FIG4: variants seen among roughly 807,000 people sequenced by gnomAD.
FIG4 encodes FIG4 phosphoinositide 5-phosphatase.
Under a neutral mutation model 118.6 loss-of-function variants are expected in FIG4, and 112 were observed. That is an observed-to-expected ratio of 0.94 (90% CI 0.81 to 1.11). The LOEUF (loss-of-function observed/expected upper bound fraction) is 1.11, where lower values mean the gene tolerates loss of function less well. Among genes scored for constraint, FIG4 ranks in the 50% least tolerant of loss-of-function variants. The pLI is 0.00. For missense variants in FIG4, 969 were observed against 1,111.7 expected, an observed-to-expected ratio of 0.87 and a Z score of 1.83; for synonymous variants, 369 against 381.2, an observed-to-expected ratio of 0.97 and a Z score of 0.37.
chr6:109,747,327 T>TAATGCCC (rs1453963513), intron 10 of FIG4, among the ~76,000 whole-genome samples: 9 of 152,110 alleles, frequency 5.9e-5, no homozygotes, highest in Non-Finnish European at 1.3e-4. Flanking sequence ...CTCCTGCTCT[T>TAATGCCC]AATGCCCATT....
chr6:109,706,803 A>G (rs192665752), intron 1 of FIG4, among the ~76,000 whole-genome samples: 107 of 152,020 alleles, frequency 7.0e-4, no homozygotes, highest in Non-Finnish European at 1.0e-4. Flanking sequence ...TGCAATTGCT[A>G]TTTCCTCTCC....
intron 10 of FIG4, among the ~76,000 whole-genome samples, chr6:109,748,754 G>T (rs1425478392): frequency 2.0e-5 from 3 of 152,136 alleles, no homozygotes; most frequent in African/African-American, 7.2e-5. Flanking sequence ...GTGTTACATG[G>T]CGGCAGACAA....
Position 109,776,930 on chromosome 6 carries a change from A to C in FIG4, c.1759A>C (p.Arg587=), listed in dbSNP as rs1484275942. Residue 587 remains arginine, a synonymous_variant, in exon 16 of 23, where the codon AGA becomes CGA. Coordinates refer to ENST00000230124, the MANE Select transcript of FIG4 (RefSeq NM_014845.6). ...YYSNAFSDAD[R]QDSINLFLGV... is the part of the protein sequence containing the mutation. ...TATATTTTGCTTTTTAGATGCCGAT[A>C]GACAAGATTCCATTAATCTCTTCCT... 1.2e-6 allele frequency: 2 copies of C among 1,613,124 alleles called. No homozygotes were observed. The highest frequency in any genetic ancestry group is 3.3e-5 in the Admixed American group (2 of 60,020).
At chr6:109,730,716 G>A (rs1434938834) in intron 4 of FIG4, among the ~76,000 whole-genome samples, 2 of 151,870 alleles carry the variant, frequency 1.3e-5, no homozygotes, top group African/African-American at 4.8e-5. Flanking sequence ...TTTTCCAGTT[G>A]GACAAAAATG....
At chr6:109,807,206 A>AC (rs1359113649) in intron 22 of FIG4, among the ~76,000 whole-genome samples, 1 of 152,176 alleles carries the variant, frequency 6.6e-6, no homozygotes, top group Admixed American at 6.5e-5. Context: ...CAATGGTTGA[A>AC]CTAATTTACA....
chr6:109,748,149 C>T (rs972263831), intron 10 of FIG4, among the ~76,000 whole-genome samples: 1 of 152,052 alleles, frequency 6.6e-6, no homozygotes, highest in African/African-American at 2.4e-5. Context: ...TAGAAACCTG[C>T]AGGAAGTACC....
chr6:109,810,619 C>T (rs1025071506), intron 22 of FIG4, among the ~76,000 whole-genome samples: 2 of 152,212 alleles, frequency 1.3e-5, no homozygotes, highest in Admixed American at 1.3e-4. Flanking sequence ...GTGCTGCATA[C>T]GCATTCAAAG....
At chr6:109,810,106 T>A (rs1245281358) in intron 22 of FIG4, among the ~76,000 whole-genome samples, 1 of 152,126 alleles carries the variant, frequency 6.6e-6, no homozygotes, top group Non-Finnish European at 1.5e-5. Context: ...ATTTCTCATG[T>A]CAAATGGCCA....
intron 1 of FIG4, chr6:109,701,706 A>G (rs764395777): frequency 1.7e-5 from 8 of 471,508 alleles, no homozygotes; most frequent in African/African-American, 1.2e-4. Context: ...AAAGTAGAAT[A>G]AAACAAGAAC....
At chr6:109,707,989 ATTC>A (rs1775140669) in intron 1 of FIG4, among the ~76,000 whole-genome samples, 1 of 136,814 alleles carries the variant, frequency 7.3e-6, no homozygotes, top group African/African-American at 2.7e-5. Context: ...TATTCTCAGT[ATTC>A]TTTTTTTTTT....
intron 22 of FIG4, among the ~76,000 whole-genome samples, chr6:109,805,022 T>C (rs1449987120): frequency 6.6e-6 from 1 of 152,232 alleles, no homozygotes; most frequent in African/African-American, 2.4e-5. Flanking sequence ...TTTAACAAAT[T>C]GGAGCAAATG....
chr6:109,797,859 G>C (rs1337704600), intron 22 of FIG4, among the ~76,000 whole-genome samples: 2 of 146,076 alleles, frequency 1.4e-5, no homozygotes, highest in Admixed American at 1.4e-4. Flanking sequence ...TTGCACCACT[G>C]CACTCCAGCT....
rs564097287 is a variant in FIG4 at position 109,755,390 on chromosome 6, G to C, written c.1138-4860G>C. Among the ~76,000 whole-genome samples the C allele has an allele frequency of 9.9e-5, 15 of 152,252 alleles. 1 individual carries two copies. The South Asian group carries it at 3.1e-3, about 32-fold the overall frequency. On this transcript the variant is annotated intron_variant, in intron 10 of 22. Coordinates refer to ENST00000230124, the MANE Select transcript of FIG4 (RefSeq NM_014845.6). ...TCAATTTTGGAATAGGTGTGGTGTGGTGCTGAAAAAAATGTATATTCTGTT... is the reference window on the plus strand; with the variant it reads ...TCAATTTTGGAATAGGTGTGGTGTGCTGCTGAAAAAAATGTATATTCTGTT...
At chr6:109,761,512 A>G (rs145412258) in intron 11 of FIG4, among the ~76,000 whole-genome samples, 59 of 152,228 alleles carry the variant, frequency 3.9e-4, no homozygotes, top group African/African-American at 1.4e-3. Context: ...TAGCCATCCA[A>G]GTAGCTGGGA....
chr6:109,697,286 AATGT>A (rs549030423), intron 1 of FIG4, among the ~76,000 whole-genome samples: 64 of 152,008 alleles, frequency 4.2e-4, no homozygotes, highest in Admixed American at 1.3e-3. Flanking sequence ...AAAAGGGAAA[AATGT>A]ATGATTCAGT....
At chr6:109,693,573 T>C (rs1774616298) in intron 1 of FIG4, among the ~76,000 whole-genome samples, 1 of 152,148 alleles carries the variant, frequency 6.6e-6, no homozygotes, top group African/African-American at 2.4e-5. Flanking sequence ...AGGGGAGCCA[T>C]TGCATGGTAT....
intron 3 of FIG4, among the ~76,000 whole-genome samples, chr6:109,717,958 G>A (rs533364844): frequency 8.0e-4 from 122 of 152,208 alleles, no homozygotes; most frequent in African/African-American, 2.8e-3. Context: ...GTTCGTTCTC[G>A]CATTGCTATA....
chr6:109,713,099 C>G (rs569264288), intron 1 of FIG4, among the ~76,000 whole-genome samples: 4 of 152,124 alleles, frequency 2.6e-5, no homozygotes, highest in Non-Finnish European at 5.9e-5. Flanking sequence ...GTTAGGTATC[C>G]GATGCGCTGA....
intron 22 of FIG4, among the ~76,000 whole-genome samples, chr6:109,800,867 G>C (rs79225623): frequency 6.6e-6 from 1 of 152,292 alleles, no homozygotes; most frequent in East Asian, 1.9e-4. Context: ...CAAGTTGTTA[G>C]CATTTTTTCC....
Sources: allele counts gnomAD v4.1 joint callset (sites outside exome capture counted in the v4.1 genomes callset), GRCh38; gene constraint gnomAD v4.1.1; transcripts MANE v1.5; gene names NCBI Gene and HGNC (gene_info 2026-07-23, HGNC 2026-07-21).